Variants in PDCD1LG2 observed in about 807,000 individuals in gnomAD.
PDCD1LG2 encodes the protein B7 dendritic cell molecule.
In PDCD1LG2, 32 loss-of-function variants were observed where a neutral mutation model predicts 28.2. The ratio of observed to expected loss-of-function variants is 1.13; its 90% CI spans 0.86 to 1.52. The LOEUF (loss-of-function observed/expected upper bound fraction) is 1.52. PDCD1LG2 is among the 40% of genes most tolerant of loss of function. PDCD1LG2 has a pLI of 0.00. For missense variants in PDCD1LG2, 385 were observed against 323.8 expected, an observed-to-expected ratio of 1.19 and a Z score of -1.45; for synonymous variants, 116 against 120.2, an observed-to-expected ratio of 0.97 and a Z score of 0.23.
At chr9:5,527,373 A>T (rs562222666) in intron 2 of PDCD1LG2, among the ~76,000 whole-genome samples, 4 of 152,192 alleles carry the variant, frequency 2.6e-5, no homozygotes, top group Admixed American at 1.3e-4. Context: ...TATAGTAATG[A>T]CTTTTCCAGA....
At chr9:5,537,859 C>T (rs1215110758) in intron 3 of PDCD1LG2, among the ~76,000 whole-genome samples, 1 of 151,974 alleles carries the variant, frequency 6.6e-6, no homozygotes, top group Non-Finnish European at 1.5e-5. Context: ...TGCACATGTA[C>T]CCTAAAACTT....
At chr9:5,528,193 A>G (rs964156067) in intron 2 of PDCD1LG2, among the ~76,000 whole-genome samples, 1 of 149,340 alleles carries the variant, frequency 6.7e-6, no homozygotes, top group African/African-American at 2.4e-5. Flanking sequence ...CCTAATGACT[A>G]ATGATATTAA....
chr9:5,523,049 T>C (rs1174519922), intron 2 of PDCD1LG2, among the ~76,000 whole-genome samples: 1 of 152,236 alleles, frequency 6.6e-6, no homozygotes, highest in Non-Finnish European at 1.5e-5. Context: ...TAGTTGTTTC[T>C]GTGAGTTTCT....
chr9:5,563,126 T>C, intron 5 of PDCD1LG2, 36 bp from the exon 6 acceptor site: 1 of 1,522,378 alleles, frequency 6.6e-7, no homozygotes, highest in Non-Finnish European at 9.1e-7. Flanking sequence ...GTTTTCTCAT[T>C]AATCTTATTC....
At position 5,515,908 on chromosome 9, in the gene PDCD1LG2, G is replaced by T. The variant is rs568481522; in HGVS notation, c.-15+5105G>T. On this transcript the variant is annotated intron_variant, in intron 1 of 6. Transcript: ENST00000397747. ...ACTGCACTCCAGCCTGGGTGAGAGA[G>T]CAAGACTCCATCTCAAAAAAAAAAA... Among the ~76,000 whole-genome samples the T allele has an allele frequency of 2.1e-4, 20 of 93,694 alleles. No individual in the cohort carries two copies. The South Asian group carries it at 8.4e-3, about 39-fold the overall frequency. The allele number at this position is 93,694 out of a possible 152,430, so 61.5% of individuals were successfully genotyped here.
chr9:5,566,765 C>T (rs757158735), intron 6 of PDCD1LG2, among the ~76,000 whole-genome samples: 2 of 152,082 alleles, frequency 1.3e-5, no homozygotes, highest in Admixed American at 6.5e-5. Context: ...ATAGACCCTA[C>T]GTTGCCATTT....
chr9:5,511,565 TGA>T (rs1303672448), intron 1 of PDCD1LG2, among the ~76,000 whole-genome samples: 3 of 152,178 alleles, frequency 2.0e-5, no homozygotes, highest in Non-Finnish European at 4.4e-5. Context: ...GGGCAGGGAA[TGA>T]GAGACCTAAA....
At chr9:5,560,982 T>C (rs1563834120) in intron 5 of PDCD1LG2, among the ~76,000 whole-genome samples, 3 of 152,168 alleles carry the variant, frequency 2.0e-5, no homozygotes, top group Admixed American at 1.3e-4. Context: ...TTCTGCTTCA[T>C]CTGCTTGTCT....
chr9:5,541,625 A>G (rs536028129), intron 3 of PDCD1LG2, among the ~76,000 whole-genome samples: 3 of 152,274 alleles, frequency 2.0e-5, no homozygotes, highest in Admixed American at 6.5e-5. Flanking sequence ...GACATGAAAG[A>G]CCTCTACAAG....
At chr9:5,556,311 T>G (rs893168972) in intron 4 of PDCD1LG2, among the ~76,000 whole-genome samples, 2 of 152,230 alleles carry the variant, frequency 1.3e-5, no homozygotes, top group African/African-American at 4.8e-5. Context: ...AAGCACTTAC[T>G]AGAAATTAAG....
chr9:5,571,033 G>C lies in PDCD1LG2; in HGVS notation c.*1074G>C. Reference sequence around the variant, plus strand: ...TTATACTGGAGCCATGAAGCTCAGAGCATTAGCTGACCCTTGAACTATTCA... The same window carrying C: ...TTATACTGGAGCCATGAAGCTCAGACCATTAGCTGACCCTTGAACTATTCA... On this transcript the variant is annotated 3_prime_UTR_variant, in exon 7 of 7. Coordinates refer to ENST00000397747, the MANE Select transcript of PDCD1LG2 (RefSeq NM_025239.4). The C allele has an allele frequency of 4.3e-6, 1 of 232,550 alleles. No homozygotes were observed. The highest frequency in any genetic ancestry group is 5.6e-5 in the Admixed American group (1 of 17,772). The allele number at this position is 232,550 out of a possible 1,614,324, so 14.4% of individuals were successfully genotyped here. A position where few individuals can be genotyped will look rare whatever the true frequency, so the allele number is the denominator to read the frequency against.
chr9:5,524,276 G>A (rs1052943116), intron 2 of PDCD1LG2, among the ~76,000 whole-genome samples: 1 of 152,186 alleles, frequency 6.6e-6, no homozygotes, highest in African/African-American at 2.4e-5. Flanking sequence ...CATGATGATG[G>A]TAATCAAAAA....
At chr9:5,531,495 A>C (rs1820483036) in intron 2 of PDCD1LG2, among the ~76,000 whole-genome samples, 1 of 152,192 alleles carries the variant, frequency 6.6e-6, no homozygotes, top group Non-Finnish European at 1.5e-5. Flanking sequence ...ATATTAGCTG[A>C]AAAATGTCAC....
At chr9:5,558,544 A>C (rs376912625) in intron 5 of PDCD1LG2, among the ~76,000 whole-genome samples, 11 of 152,246 alleles carry the variant, frequency 7.2e-5, no homozygotes, top group African/African-American at 2.7e-4. Context: ...ACATGGCCTC[A>C]TCTATAGAAA....
At chr9:5,543,478 G>A (rs1820729214) in intron 3 of PDCD1LG2, among the ~76,000 whole-genome samples, 1 of 146,090 alleles carries the variant, frequency 6.8e-6, no homozygotes, top group East Asian at 2.0e-4. Context: ...GGCGGATTTT[G>A]CAATGAGCAG....
chr9:5,536,153 T>C (rs1820576339), intron 3 of PDCD1LG2, among the ~76,000 whole-genome samples: 2 of 152,212 alleles, frequency 1.3e-5, no homozygotes, highest in Admixed American at 1.3e-4. Flanking sequence ...AGGATGAATA[T>C]TGTGTTCGCC....
chr9:5,517,247 A>C (rs1820184952), intron 1 of PDCD1LG2, among the ~76,000 whole-genome samples: 1 of 152,224 alleles, frequency 6.6e-6, no homozygotes, highest in African/African-American at 2.4e-5. Flanking sequence ...AAAAACAATG[A>C]AAGTGTCCGG....
Position 5,570,273 on chromosome 9 carries a change from C to A in PDCD1LG2, c.*314C>A. On this transcript the variant is annotated 3_prime_UTR_variant, in exon 7 of 7. Transcript: ENST00000397747. ...ATCCTTCTTGCTGCCAGACTGAAAG[C>A]AAAAGGAATTATTTCCCCTCAAGTT... 1 of 329,304 alleles carries A rather than the reference C, an allele frequency of 3.0e-6. No individual in the cohort carries two copies. Among genetic ancestry groups the A allele is most frequent in the East Asian group, 4.3e-5 (1 of 23,490 alleles). 20.4% of individuals were successfully genotyped at this position (329,304 alleles called of 1,614,324 possible).
In PDCD1LG2 at chr9:5,549,362, T is replaced by C. The variant is rs2129874086; in HGVS notation, c.389T>C (p.Ile130Thr). ...TCCTACAGGAAAATAAACACTCACA[T>C]CCTAAAGGTTCCAGAAACAGATGAG... ...KASYRKINTH[I>T]LKVPETDEVE... Residue 130 changes from isoleucine to threonine, a missense_variant, in exon 4 of 7, where the codon ATC (isoleucine) becomes ACC (threonine). Ile to Thr is a moderately conservative substitution (Grantham distance 89, BLOSUM62 -1). Transcript: ENST00000397747. The C allele has an allele frequency of 6.2e-7, 1 of 1,614,044 alleles. No homozygotes were observed. The highest frequency in any genetic ancestry group is 8.5e-7 in the Non-Finnish European group (1 of 1,179,914).
Sources: allele counts gnomAD v4.1 joint callset (sites outside exome capture counted in the v4.1 genomes callset), GRCh38; gene constraint gnomAD v4.1.1; transcripts MANE v1.5; gene names NCBI Gene and HGNC (gene_info 2026-07-23, HGNC 2026-07-21).